The following CCDC178 variants were observed in gnomAD, a reference collection of about 807,000 sequenced individuals.
CCDC178 encodes coiled-coil domain-containing protein 178.
In CCDC178, 126 loss-of-function variants were observed where a neutral mutation model predicts 117.4. The observed-to-expected ratio is 1.07, with a 90% CI of 0.93 to 1.24. The LOEUF is 1.24. Among genes scored for constraint, CCDC178 ranks in the 50% most tolerant of loss-of-function variants. CCDC178 has a pLI of 0.00. For missense variants in CCDC178, 1,030 were observed against 986.9 expected (o/e 1.04, Z -0.59); for synonymous variants, 283 against 313.4 (o/e 0.90, Z 1.02).
Position 33,098,017 on chromosome 18 carries a change from G to C in CCDC178, c.2239-5107C>G, listed in dbSNP as rs1331800737. On this transcript the variant is annotated intron_variant, in intron 20 of 22. Coordinates refer to ENST00000383096, the MANE Select transcript of CCDC178 (RefSeq NM_001105528.4). The stretch of plus-strand genomic sequence containing the variant: ...ACCTGTAGAACTGTGGACTATGGTT[G>C]AATGCAGTAGAATAATGCTACCCTT... Among the ~76,000 whole-genome samples the C allele has an allele frequency of 2.6e-5, 4 of 152,202 alleles. No individual in the cohort carries two copies. In the East Asian group the frequency reaches 7.8e-4, roughly 30 times the overall value.
At chr18:33,379,983 C>T (rs574228864) in intron 5 of CCDC178, among the ~76,000 whole-genome samples, 20 of 152,052 alleles carry the variant, frequency 1.3e-4, no homozygotes, top group Non-Finnish European at 2.8e-4. Context: ...CCCCACTGTA[C>T]CACAATGTAT....
At chr18:33,316,562 C>A (rs1430114230) in intron 11 of CCDC178, among the ~76,000 whole-genome samples, 1 of 152,188 alleles carries the variant, frequency 6.6e-6, no homozygotes, top group African/African-American at 2.4e-5. Context: ...CAGGGCACTC[C>A]TGGCAGCTCC....
Position 33,086,465 on chromosome 18 carries a change from AAGAG to A in CCDC178, c.2388+6292_2388+6295del, listed in dbSNP as rs941094324. On this transcript the variant is annotated intron_variant, in intron 21 of 22. Coordinates refer to ENST00000383096, the MANE Select transcript of CCDC178 (RefSeq NM_001105528.4). The stretch of plus-strand genomic sequence containing the variant: ...ACACACATATATATATATAGCGAGA[AAGAG>A]AGAGAGAGAGAGAATAATATTTTCC... Among the ~76,000 whole-genome samples, 906 of 148,138 alleles carry A rather than the reference AAGAG, an allele frequency of 6.1e-3. 12 individuals carry two copies. The highest frequency in any genetic ancestry group is 0.021 in the African/African-American group (843 of 40,530).
chr18:33,419,647 A>C (rs181424831), intron 2 of CCDC178, among the ~76,000 whole-genome samples: 65 of 152,342 alleles, frequency 4.3e-4, no homozygotes, highest in Middle Eastern at 6.8e-3. Context: ...ACTTTTCAAA[A>C]AAAAGAAATA....
intron 20 of CCDC178, among the ~76,000 whole-genome samples, chr18:33,191,354 A>G (rs1203795389): frequency 6.6e-6 from 1 of 152,142 alleles, no homozygotes; most frequent in Non-Finnish European, 1.5e-5. Context: ...TTTGTTTTAG[A>G]AAATTTTGTC....
intron 5 of CCDC178, among the ~76,000 whole-genome samples, chr18:33,371,820 T>C (rs201272917): frequency 2.5e-3 from 181 of 72,596 alleles, no homozygotes; most frequent in African/African-American, 5.2e-3. Context: ...CACACACACA[T>C]ATGTAATAGT....
intron 2 of CCDC178, among the ~76,000 whole-genome samples, chr18:33,429,883 A>C (rs977414797): frequency 1.3e-5 from 2 of 152,188 alleles, no homozygotes; most frequent in Non-Finnish European, 2.9e-5. Flanking sequence ...AAGGTAGATG[A>C]TATATGCTAT....
At chr18:33,389,401 T>C (rs550040354) in intron 5 of CCDC178, 139 bp downstream of exon 5, 43 of 356,040 alleles carry the variant, frequency 1.2e-4, no homozygotes, top group African/African-American at 8.3e-4. Context: ...ATCTTTACTA[T>C]TATATATATT....
At position 33,223,956 on chromosome 18, in the gene CCDC178, G is replaced by A. The variant is rs374675436; in HGVS notation, c.1819-737C>T. Among the ~76,000 whole-genome samples the A allele has an allele frequency of 5.9e-5, 9 of 152,248 alleles. No homozygotes were observed. In the East Asian group the frequency reaches 1.2e-3, roughly 20 times the overall value. On this transcript the variant is annotated intron_variant, in intron 17 of 22. Transcript: ENST00000383096. ...TATACACGTTGCTCAGGCTCTTTAA[G>A]CACAAGTTTTCTCAAGTCTTTGATA...
chr18:32,988,941 C>T (rs769386533), intron 21 of CCDC178, among the ~76,000 whole-genome samples: 8 of 152,044 alleles, frequency 5.3e-5, no homozygotes, highest in Non-Finnish European at 8.8e-5. Context: ...CATATTCTTA[C>T]AATTACTAAA....
intron 21 of CCDC178, among the ~76,000 whole-genome samples, chr18:33,076,030 G>A (rs2057200596): frequency 1.3e-5 from 2 of 152,190 alleles, no homozygotes; most frequent in Admixed American, 6.5e-5. Flanking sequence ...TGGAGATTAA[G>A]TCTGAAGTTA....
chr18:33,105,181 A>G (rs935841695), intron 20 of CCDC178, among the ~76,000 whole-genome samples: 8 of 151,808 alleles, frequency 5.3e-5, no homozygotes, highest in African/African-American at 1.9e-4. Context: ...ACATATTGGT[A>G]TGTGAAGAAA....
intron 5 of CCDC178, among the ~76,000 whole-genome samples, chr18:33,372,958 A>G (rs954696226): frequency 6.6e-6 from 1 of 152,150 alleles, no homozygotes; most frequent in Non-Finnish European, 1.5e-5. Flanking sequence ...TGCTGAAGGC[A>G]TATTTCCTTT....
chr18:33,073,535 C>A (rs1163864829), intron 21 of CCDC178, among the ~76,000 whole-genome samples: 2 of 149,314 alleles, frequency 1.3e-5, no homozygotes, highest in African/African-American at 5.0e-5. Flanking sequence ...ATCTATCTAT[C>A]TATCTATCTA....
intron 19 of CCDC178, 98 bp from the exon 20 acceptor site, chr18:33,212,153 TGAA>T: frequency 1.1e-6 from 1 of 889,248 alleles, no homozygotes; most frequent in Non-Finnish European, 1.6e-6. Context: ...TGAAAAATCT[TGAA>T]GACCCTTGAA....
At chr18:33,088,677 T>C (rs534424294) in intron 21 of CCDC178, among the ~76,000 whole-genome samples, 1 of 152,266 alleles carries the variant, frequency 6.6e-6, no homozygotes, top group Admixed American at 6.5e-5. Flanking sequence ...AAGTATTCCC[T>C]AGAGGCCAAC....
Position 32,978,655 on chromosome 18 carries a change from T to C in CCDC178, c.2389-3974A>G, listed in dbSNP as rs182113909. The stretch of plus-strand genomic sequence containing the variant: ...GATGTCGGGCAAAATAAAGTAAGGA[T>C]ATCAGAAATCAATACCCCTTTTTAA... On this transcript the variant is annotated intron_variant, in intron 21 of 22. Transcript: ENST00000383096. Among the ~76,000 whole-genome samples, 3 of 152,284 alleles carry C rather than the reference T, an allele frequency of 2.0e-5. No individual in the cohort carries two copies. In the East Asian group the frequency reaches 5.8e-4, roughly 29 times the overall value.
At chr18:33,164,488 T>A (rs1041429767) in intron 20 of CCDC178, among the ~76,000 whole-genome samples, 2 of 152,058 alleles carry the variant, frequency 1.3e-5, no homozygotes, top group African/African-American at 2.4e-5. Context: ...TATCTACTGA[T>A]AATTACCATT....
At chr18:32,952,893 C>A (rs2054519396) in intron 22 of CCDC178, among the ~76,000 whole-genome samples, 1 of 151,856 alleles carries the variant, frequency 6.6e-6, no homozygotes. Flanking sequence ...CTGCCTCAGC[C>A]TCCCGAGTAG....
Sources: allele counts gnomAD v4.1 joint callset (sites outside exome capture counted in the v4.1 genomes callset), GRCh38; gene constraint gnomAD v4.1.1; transcripts MANE v1.5; gene names NCBI Gene and HGNC (gene_info 2026-07-23, HGNC 2026-07-21).